UCKL1: variants seen among roughly 807,000 people sequenced by gnomAD.
UCKL1 encodes uridine-cytidine kinase 1 like 1.
Under a neutral mutation model 59.2 loss-of-function variants are expected in UCKL1, and 65 were observed. The ratio of observed to expected loss-of-function variants is 1.10; its 90% CI spans 0.90 to 1.35. UCKL1 has a LOEUF of 1.35. Among genes scored for constraint, UCKL1 ranks in the 40% most tolerant of loss-of-function variants. The pLI, the probability that UCKL1 is intolerant of heterozygous loss-of-function variation, is 0.00. For synonymous variants in UCKL1, 410 were observed against 323.1 expected (o/e 1.27, Z -2.88); for missense variants, 703 against 784.3 (o/e 0.90, Z 1.24).
intron 8 of UCKL1, chr20:63,942,586 TG>T (rs559202900): frequency 1.2e-6 from 1 of 839,536 alleles, no homozygotes; most frequent in Non-Finnish European, 1.7e-6. Flanking sequence ...GCTGCTTAGT[TG>T]GGGAGCAGGG....
chr20:63,955,490 C>G (rs187435037), intron 1 of UCKL1: 1 of 152,268 alleles, frequency 6.6e-6, no homozygotes, highest in African/African-American at 2.4e-5. Flanking sequence ...TCCTGGCTCA[C>G]AGCGTTTCTG....
chr20:63,940,518 G>C, intron 12 of UCKL1, 33 bp from the exon 13 acceptor site: 1 of 1,604,992 alleles, frequency 6.2e-7, no homozygotes, highest in Non-Finnish European at 8.5e-7. Flanking sequence ...TGCAGGTGGG[G>C]CTCCCTGCGT....
chr20:63,946,023 C>G lies in UCKL1; in HGVS notation c.412-48G>C, dbSNP rs762214847. 15 of 1,611,844 alleles carry G rather than the reference C, an allele frequency of 9.3e-6. No homozygotes were observed. The Admixed American group carries it at 2.3e-4, about 25-fold the overall frequency. On this transcript the variant is annotated intron_variant, in intron 3 of 14. Transcript: ENST00000354216. ...AGCTGTGGGCACAGTAGGGCCCTCACCCAATGCCAGCGGACAGGGGCTCTA... is the reference window on the plus strand; with the variant it reads ...AGCTGTGGGCACAGTAGGGCCCTCAGCCAATGCCAGCGGACAGGGGCTCTA...
chr20:63,944,573 C>T lies in UCKL1; in HGVS notation c.816G>A (p.Met272Ile). The change falls in exon 6 of 15, where the codon ATG becomes ATA. Residue 272 changes from methionine (M) to isoleucine (I), a missense_variant. By Grantham distance (10) the Met-to-Ile change is conservative. This residue lies in a region of UCKL1 where 156 missense variants were observed against 185.6 expected (regional missense o/e 0.84). Transcript: ENST00000354216. Reference protein sequence around the residue: ...PSFDQYIQPTMRLADIVVPRG... With the variant: ...PSFDQYIQPTIRLADIVVPRG... Reference sequence around the variant, plus strand: ...TGGGGACCACGATGTCTGCCAGGCGCATGGTGGGCTGGATGTACTGGTCGA... The same window carrying T: ...TGGGGACCACGATGTCTGCCAGGCGTATGGTGGGCTGGATGTACTGGTCGA... 5 of 1,612,462 alleles carry T rather than the reference C, an allele frequency of 3.1e-6. No homozygotes were observed. Among genetic ancestry groups the T allele is most frequent in the Non-Finnish European group, 4.2e-6 (5 of 1,179,668 alleles).
At position 63,956,394 on chromosome 20, in the gene UCKL1, GGGCC is replaced by G; in HGVS notation, c.-26_-23del. ...CCATGGCGCTCGGAGGCCTCTTTGC[GGGCC>G]TGGCCGGGCGGCGCGCATGGGCCGC... is the stretch of plus-strand genomic sequence containing the variant. On this transcript the variant is annotated 5_prime_UTR_variant, in exon 1 of 15. Transcript: ENST00000354216. 2.2e-6 allele frequency: 3 copies of G among 1,393,672 alleles called. No homozygotes were observed. Among genetic ancestry groups the G allele is most frequent in the Non-Finnish European group, 2.8e-6 (3 of 1,074,664 alleles). 86.3% of individuals were successfully genotyped at this position (1,393,672 alleles called of 1,614,324 possible). A position where few individuals can be genotyped will look rare whatever the true frequency, so the allele number is the denominator to read the frequency against.
chr20:63,950,077 C>A (rs575793560), intron 1 of UCKL1, among the ~76,000 whole-genome samples: 6 of 152,234 alleles, frequency 3.9e-5, no homozygotes, highest in East Asian at 1.9e-4. Context: ...GACAGCCAGG[C>A]GCTGGCCCTT....
intron 8 of UCKL1, chr20:63,941,423 G>T (rs752644624): frequency 4.4e-6 from 3 of 686,630 alleles, no homozygotes; most frequent in Non-Finnish European, 5.0e-6. Context: ...GGCGAACAAC[G>T]GGGCAAGCTC....
Position 63,945,726 on chromosome 20 carries a change from T to C in UCKL1, c.583-4A>G. On this transcript the variant is annotated splice_polypyrimidine_tract_variant and splice_region_variant and intron_variant, in intron 4 of 14. Coordinates refer to ENST00000354216, the MANE Select transcript of UCKL1 (RefSeq NM_017859.4). ...CGTTTGCACCATACAGTGTTTTCTG[T>C]GAAGAAACCCAGGAGTTGCGGAGCC... 1 of 1,612,890 alleles carries C rather than the reference T, an allele frequency of 6.2e-7. No individual in the cohort carries two copies. The highest frequency in any genetic ancestry group is 8.5e-7 in the Non-Finnish European group (1 of 1,179,614).
chr20:63,943,784 C>A, intron 7 of UCKL1, 115 bp from the exon 8 acceptor site: 2 of 1,480,782 alleles, frequency 1.4e-6, no homozygotes, highest in Non-Finnish European at 1.9e-6. Context: ...GGGGACACAG[C>A]CAGCCATGGG....
chr20:63,945,670 G>A lies in UCKL1; in HGVS notation c.635C>T (p.Ala212Val). 1 of 1,613,036 alleles carries A rather than the reference G, an allele frequency of 6.2e-7. No homozygotes were observed. The highest frequency in any genetic ancestry group is 8.5e-7 in the Non-Finnish European group (1 of 1,179,876). Residue 212 changes from alanine to valine, a missense_variant, in exon 5 of 15, where the codon GCT becomes GTT. Ala to Val is a moderately conservative substitution (Grantham distance 64). Around this residue, in one of 4 missense-constraint regions of UCKL1, gnomAD observed 398 missense variants for 373.0 expected, o/e 1.07. Coordinates refer to ENST00000354216, the MANE Select transcript of UCKL1 (RefSeq NM_017859.4). Reference protein sequence around the residue: ...VIIFEGIMAFADKTLLELLDM... With the variant: ...VIIFEGIMAFVDKTLLELLDM... ...GCTTACCTCCAACAGTGTCTTGTCA[G>A]CAAAGGCCATGATGCCCTCAAAGAT...
chr20:63,951,180 G>A (rs2057532465), intron 1 of UCKL1: 1 of 1,031,632 alleles, frequency 9.7e-7, no homozygotes, highest in African/African-American at 1.7e-5. Context: ...GGCATAAGAG[G>A]ATCACCCAGC....
chr20:63,941,440 A>C (rs1164273468), intron 8 of UCKL1: 2 of 618,802 alleles, frequency 3.2e-6, no homozygotes, highest in Non-Finnish European at 5.7e-6. Context: ...GCTCACCATC[A>C]GGCAGAAAGC....
At chr20:63,945,531 G>T (rs116538993) in intron 5 of UCKL1, 120 bp downstream of exon 5, 10 of 1,009,540 alleles carry the variant, frequency 9.9e-6, no homozygotes, top group Non-Finnish European at 1.4e-5. Flanking sequence ...GTAGGGAGTG[G>T]CTGGCCTAGG....
At chr20:63,945,085 T>C (rs1186870104) in intron 5 of UCKL1, among the ~76,000 whole-genome samples, 1 of 152,186 alleles carries the variant, frequency 6.6e-6, no homozygotes. Flanking sequence ...CTCCTTACTT[T>C]GCTTGGGGTA....
intron 1 of UCKL1, among the ~76,000 whole-genome samples, chr20:63,949,343 G>A (rs752448215): frequency 4.6e-5 from 7 of 152,206 alleles, no homozygotes; most frequent in Non-Finnish European, 8.8e-5. Context: ...CAGGTGCCAC[G>A]GCACTTCCCC....
Position 63,940,774 on chromosome 20 carries a change from A to T in UCKL1, c.1179+20T>A. On this transcript the variant is annotated intron_variant, in intron 11 of 14. Transcript: ENST00000354216. ...CGCCCCAGCAGCCTGTCCCGCGCCC[A>T]GGTGTGCCCAGGCAGGTACCTGCTT... 6.3e-7 allele frequency: 1 copy of T among 1,599,336 alleles called. No individual in the cohort carries two copies. The highest frequency in any genetic ancestry group is 8.5e-7 in the Non-Finnish European group (1 of 1,174,180).
At chr20:63,943,554 GAA>G (rs1201734863) in intron 8 of UCKL1, 97 bp downstream of exon 8, 21 of 1,569,284 alleles carry the variant, frequency 1.3e-5, no homozygotes, top group Non-Finnish European at 1.8e-5. Flanking sequence ...TGTGACTGGG[GAA>G]GAGCCAGCTG....
Position 63,940,500 on chromosome 20 carries a change from G to A in UCKL1, c.1303-15C>T, listed in dbSNP as rs541854811. The A allele has an allele frequency of 6.2e-6, 10 of 1,608,534 alleles. No homozygotes were observed. Among genetic ancestry groups the A allele is most frequent in the Middle Eastern group, 1.7e-4 (1 of 6,038 alleles). ...AGGTAGTGGAGCTGCGGGCAGCAGGGGTCAGGCTGCAGGTGGGGCTCCCTG... is the reference window on the plus strand; with the variant it reads ...AGGTAGTGGAGCTGCGGGCAGCAGGAGTCAGGCTGCAGGTGGGGCTCCCTG... On this transcript the variant is annotated splice_polypyrimidine_tract_variant and intron_variant, in intron 12 of 14. Coordinates refer to ENST00000354216, the MANE Select transcript of UCKL1 (RefSeq NM_017859.4).
At chr20:63,956,001 C>A in intron 1 of UCKL1, 1 of 354,812 alleles carries the variant, frequency 2.8e-6, no homozygotes, top group East Asian at 4.9e-5. Context: ...GGGGCAGAGA[C>A]CAAGGTCAAC....
Sources: gnomAD v4.1 joint callset for allele counts (sites outside exome capture counted in the v4.1 genomes callset) on GRCh38, gnomAD v4.1.1 for gene constraint, gnomAD v4.1.1 regional missense constraint, MANE v1.5 for transcripts, NCBI Gene and HGNC (gene_info 2026-07-23, HGNC 2026-07-21) for gene names.